The following NCAM2 variants were observed in gnomAD, a reference collection of about 807,000 sequenced individuals.
NCAM2 encodes the protein N-CAM-2.
Under a neutral mutation model 98.1 loss-of-function variants are expected in NCAM2, and 30 were observed. The observed-to-expected ratio is 0.31, with a 90% CI of 0.23 to 0.41. The LOEUF (loss-of-function observed/expected upper bound fraction) is 0.41, where lower values mean the gene tolerates loss of function less well. Among genes scored for constraint, NCAM2 ranks in the 10% least tolerant of loss-of-function variants. NCAM2 has a pLI of 1.00. For missense variants in NCAM2, 867 were observed against 1,005.8 expected, an observed-to-expected ratio of 0.86 and a Z score of 1.87; for synonymous variants, 368 against 342.4, an observed-to-expected ratio of 1.07 and a Z score of -0.83.
intron 9 of NCAM2, among the ~76,000 whole-genome samples, chr21:21,407,539 C>T (rs763640554): frequency 6.6e-6 from 1 of 152,142 alleles, no homozygotes; most frequent in Non-Finnish European, 1.5e-5. Context: ...GCAGATGCCA[C>T]ATTGTGGACA....
intron 1 of NCAM2, among the ~76,000 whole-genome samples, chr21:21,099,833 TG>T (rs1432169563): frequency 6.6e-6 from 1 of 151,958 alleles, no homozygotes; most frequent in Non-Finnish European, 1.5e-5. Context: ...TAACCCACCC[TG>T]CCTGTTATGT....
chr21:21,445,083 A>G (rs1031373654), intron 12 of NCAM2, among the ~76,000 whole-genome samples: 22 of 152,092 alleles, frequency 1.4e-4, no homozygotes, highest in African/African-American at 5.1e-4. Context: ...CCTTAATTTC[A>G]TTATTTACCC....
At chr21:21,176,877 A>T (rs532072114) in intron 1 of NCAM2, among the ~76,000 whole-genome samples, 45 of 147,802 alleles carry the variant, frequency 3.0e-4, no homozygotes, top group Middle Eastern at 3.4e-3. Context: ...TGGAATAGTT[A>T]AAAAAAAAAG....
chr21:21,238,448 T>TG (rs1249112474), intron 1 of NCAM2, among the ~76,000 whole-genome samples: 1 of 152,132 alleles, frequency 6.6e-6, no homozygotes, highest in Non-Finnish European at 1.5e-5. Flanking sequence ...TGAATGAAAA[T>TG]GTATATTCTG....
chr21:21,244,297 AAACCCGTAGT>A (rs1406724802), intron 1 of NCAM2, among the ~76,000 whole-genome samples: 1 of 152,174 alleles, frequency 6.6e-6, no homozygotes, highest in East Asian at 1.9e-4. Flanking sequence ...AAGAATGTCA[AAACCCGTAGT>A]AACTGGAAAT....
intron 8 of NCAM2, among the ~76,000 whole-genome samples, chr21:21,351,137 A>AAAG (rs2075328980): frequency 7.8e-6 from 1 of 127,636 alleles, no homozygotes; most frequent in Non-Finnish European, 1.7e-5. Flanking sequence ...AAAAAAAAAA[A>AAAG]AAAAAGAAAC....
At chr21:21,427,363 G>T (rs2077237231) in intron 11 of NCAM2, among the ~76,000 whole-genome samples, 1 of 152,216 alleles carries the variant, frequency 6.6e-6, no homozygotes, top group Non-Finnish European at 1.5e-5. Flanking sequence ...ATGTCATTCA[G>T]AGATGAAGGG....
chr21:21,195,464 T>C (rs1289243473), intron 1 of NCAM2, among the ~76,000 whole-genome samples: 5 of 152,198 alleles, frequency 3.3e-5, no homozygotes, highest in African/African-American at 1.2e-4. Flanking sequence ...TTAATGAATG[T>C]GCATTCTTCT....
rs892815197 is a variant in NCAM2 at position 21,359,958 on chromosome 21, A to G, written c.1045-13905A>G. On this transcript the variant is annotated intron_variant, in intron 8 of 17. Transcript: ENST00000400546. ...AATTTGAATGAATGTATGTACAGCA[A>G]TGCATTTTGGTTCAATTTTTAAAAA... Among the ~76,000 whole-genome samples the G allele has an allele frequency of 5.3e-5, 8 of 152,042 alleles. No homozygotes were observed. The East Asian group carries it at 1.3e-3, about 26-fold the overall frequency.
At chr21:21,252,554 G>A (rs1190093340) in intron 1 of NCAM2, among the ~76,000 whole-genome samples, 28 of 151,890 alleles carry the variant, frequency 1.8e-4, no homozygotes, top group Admixed American at 1.8e-3. Context: ...TTTCAAAACT[G>A]AAATCAAAAT....
chr21:21,258,529 A>G (rs1169062936), intron 1 of NCAM2, among the ~76,000 whole-genome samples: 1 of 152,120 alleles, frequency 6.6e-6, no homozygotes. Context: ...TCACCCCTGC[A>G]ACAACCTGCT....
chr21:21,291,299 T>A (rs1016882832), intron 4 of NCAM2, among the ~76,000 whole-genome samples: 17 of 151,838 alleles, frequency 1.1e-4, no homozygotes, highest in Admixed American at 2.0e-4. Context: ...CTTTGAATGA[T>A]AAGGAGAGAA....
At chr21:21,391,490 T>C (rs537222247) in intron 9 of NCAM2, among the ~76,000 whole-genome samples, 3 of 152,020 alleles carry the variant, frequency 2.0e-5, no homozygotes. Context: ...GGAGATAATA[T>C]TGAATCTGAG....
intron 1 of NCAM2, among the ~76,000 whole-genome samples, chr21:21,013,429 G>C (rs1456657730): frequency 6.6e-6 from 1 of 152,202 alleles, no homozygotes; most frequent in Non-Finnish European, 1.5e-5. Context: ...GGCTGAATTG[G>C]AGAGGTGAGG....
At chr21:21,316,700 C>T (rs972283998) in intron 5 of NCAM2, among the ~76,000 whole-genome samples, 1 of 151,776 alleles carries the variant, frequency 6.6e-6, no homozygotes, top group Non-Finnish European at 1.5e-5. Context: ...CCTACCACCA[C>T]GCTCAGCTAA....
chr21:21,272,506 GCGCA>G (rs962014074), intron 1 of NCAM2, among the ~76,000 whole-genome samples: 19 of 54,118 alleles, frequency 3.5e-4, no homozygotes, highest in East Asian at 1.8e-3. Flanking sequence ...ATGCGCGCGC[GCGCA>G]CACACACACA....
At chr21:21,252,447 T>C (rs1048375786) in intron 1 of NCAM2, among the ~76,000 whole-genome samples, 1 of 151,138 alleles carries the variant, frequency 6.6e-6, no homozygotes, top group African/African-American at 2.4e-5. Context: ...CCATATAATA[T>C]ATACGATATA....
At chr21:21,198,826 A>G (rs116697660) in intron 1 of NCAM2, among the ~76,000 whole-genome samples, 1,532 of 152,278 alleles carry the variant, frequency 0.01, 23 homozygotes, top group African/African-American at 0.035. Context: ...GAATGAATAT[A>G]AATGTCAGAG....
intron 1 of NCAM2, among the ~76,000 whole-genome samples, chr21:21,130,715 G>A (rs1204633162): frequency 8.1e-6 from 1 of 123,250 alleles, no homozygotes; most frequent in Non-Finnish European, 1.7e-5. Flanking sequence ...CATAACTTTT[G>A]CCTCTATGTA....
Sources: allele counts gnomAD v4.1 joint callset (sites outside exome capture counted in the v4.1 genomes callset), GRCh38; gene constraint gnomAD v4.1.1; transcripts MANE v1.5; gene names NCBI Gene and HGNC (gene_info 2026-07-23, HGNC 2026-07-21).